DPYD: variants seen among roughly 807,000 people sequenced by gnomAD.
The protein encoded by DPYD is dihydropyrimidine dehydrogenase.
In DPYD, 109 loss-of-function variants were observed where a neutral mutation model predicts 116.2. The observed-to-expected ratio is 0.94, with a 90% confidence interval of 0.80 to 1.10. The LOEUF is 1.10. Among genes scored for constraint, DPYD ranks in the 50% least tolerant of loss-of-function variants. The probability of loss-of-function intolerance (pLI) is 0.00; values close to 1 mark genes in which losing one functional copy is unlikely to be tolerated. For missense variants in DPYD, 1,302 were observed against 1,254.5 expected (o/e 1.04, Z -0.57); for synonymous variants, 440 against 432.0 (o/e 1.02, Z -0.23).
chr1:97,600,044 CA>C (rs1016594666), intron 8 of DPYD, among the ~76,000 whole-genome samples: 1 of 151,368 alleles, frequency 6.6e-6, no homozygotes, highest in East Asian at 1.9e-4. Flanking sequence ...GACTCTGTCT[CA>C]AAAAAACAAA....
intron 14 of DPYD, among the ~76,000 whole-genome samples, chr1:97,432,173 G>C (rs967315432): frequency 2.0e-5 from 3 of 152,020 alleles, no homozygotes; most frequent in Non-Finnish European, 4.4e-5. Flanking sequence ...AAAACATGAG[G>C]GTGCAGATAT....
At position 97,549,606 on chromosome 1, in the gene DPYD, A is replaced by G; in HGVS notation, c.1478T>C (p.Val493Ala). 6.2e-7 allele frequency: 1 copy of G among 1,613,890 alleles called. No homozygotes were observed. The highest frequency in any genetic ancestry group is 2.2e-5 in the East Asian group (1 of 44,858). Residue 493 changes from valine to alanine, a missense_variant, in exon 12 of 23, where the codon GTG (valine) becomes GCG (alanine). Coordinates refer to ENST00000370192, the MANE Select transcript of DPYD (RefSeq NM_000110.4). Reference protein sequence around the residue: ...VGLANTTVESVNDGKQASWYI... With the variant: ...VGLANTTVESANDGKQASWYI... The stretch of plus-strand genomic sequence containing the variant: ...CCAAGAAGCTTGCTTTCCATCATTC[A>G]CCGATTCCACTGTAGTGTTAGCCAA...
intron 12 of DPYD, among the ~76,000 whole-genome samples, chr1:97,547,918 A>G (rs1268637196): frequency 1.3e-5 from 2 of 152,162 alleles, no homozygotes; most frequent in African/African-American, 4.8e-5. Flanking sequence ...TAGGCAGGTG[A>G]ATCAAACTTT....
intron 12 of DPYD, among the ~76,000 whole-genome samples, chr1:97,539,907 CA>C (rs1650296910): frequency 6.6e-6 from 1 of 152,052 alleles, no homozygotes; most frequent in African/African-American, 2.4e-5. Context: ...CCACTTTTTG[CA>C]ACCAAATCTG....
chr1:97,321,014 G>A (rs1283264976), intron 16 of DPYD, among the ~76,000 whole-genome samples: 1 of 99,212 alleles, frequency 1.0e-5, no homozygotes, highest in South Asian at 4.3e-4. Flanking sequence ...ATGGTGCTGG[G>A]AAAACTGACT....
intron 1 of DPYD, among the ~76,000 whole-genome samples, chr1:97,887,113 C>T (rs1174531470): frequency 6.6e-6 from 1 of 151,974 alleles, no homozygotes; most frequent in Non-Finnish European, 1.5e-5. Flanking sequence ...AATGACTGCA[C>T]ATATCCAAGG....
intron 19 of DPYD, among the ~76,000 whole-genome samples, chr1:97,219,513 G>C (rs1660646058): frequency 6.6e-6 from 1 of 152,112 alleles, no homozygotes; most frequent in African/African-American, 2.4e-5. Context: ...GTTTCCTCTA[G>C]AAGTGATGAA....
rs538823864 is a variant in DPYD at position 97,481,444 on chromosome 1, T to C, written c.1741-31221A>G. Among the ~76,000 whole-genome samples, 16 of 152,270 alleles carry C rather than the reference T, an allele frequency of 1.1e-4. 1 individual carries two copies. Among genetic ancestry groups the C allele is most frequent in the African/African-American group, 3.1e-4 (13 of 41,564 alleles). The stretch of plus-strand genomic sequence containing the variant: ...ACTTTTAAATGAGTAATTCCACTTA[T>C]AGGAGTCTATTCTAGAGAAATTATA... On this transcript the variant is annotated intron_variant, in intron 13 of 22. Coordinates refer to ENST00000370192, the MANE Select transcript of DPYD (RefSeq NM_000110.4).
intron 3 of DPYD, among the ~76,000 whole-genome samples, chr1:97,798,251 T>C (rs757081634): frequency 2.6e-5 from 4 of 152,078 alleles, no homozygotes; most frequent in Non-Finnish European, 4.4e-5. Context: ...AATTCATATG[T>C]CTGGATAGTC....
At chr1:97,134,014 A>AATATATAT (rs1165027630) in intron 20 of DPYD, among the ~76,000 whole-genome samples, 6 of 18,792 alleles carry the variant, frequency 3.2e-4, no homozygotes, top group Non-Finnish European at 5.7e-4. Context: ...AAAAAAAAAA[A>AATATATAT]ATATATATAT....
chr1:97,387,594 A>C (rs1336768943), intron 14 of DPYD, among the ~76,000 whole-genome samples: 1 of 152,136 alleles, frequency 6.6e-6, no homozygotes, highest in Non-Finnish European at 1.5e-5. Context: ...GAGAATCACC[A>C]GAATACATAA....
At chr1:97,499,190 A>G (rs1221379064) in intron 13 of DPYD, among the ~76,000 whole-genome samples, 2 of 151,756 alleles carry the variant, frequency 1.3e-5, no homozygotes, top group Non-Finnish European at 3.0e-5. Flanking sequence ...ATATCTTTAA[A>G]TAAAACAAAT....
At chr1:97,762,480 T>C (rs1196615421) in intron 3 of DPYD, among the ~76,000 whole-genome samples, 1 of 152,100 alleles carries the variant, frequency 6.6e-6, no homozygotes, top group East Asian at 1.9e-4. Flanking sequence ...CATGAACAAA[T>C]AGCTGATAGA....
At chr1:97,388,830 A>G (rs1341786863) in intron 14 of DPYD, among the ~76,000 whole-genome samples, 1 of 152,098 alleles carries the variant, frequency 6.6e-6, no homozygotes, top group Admixed American at 6.6e-5. Flanking sequence ...TTTTTACACT[A>G]GTGAAAATGA....
chr1:97,910,149 G>A (rs760212920), intron 1 of DPYD, among the ~76,000 whole-genome samples: 2 of 152,004 alleles, frequency 1.3e-5, no homozygotes, highest in African/African-American at 2.4e-5. Context: ...TTTTACAAAA[G>A]CTCATGATAT....
chr1:97,486,250 T>C (rs896769706), intron 13 of DPYD, among the ~76,000 whole-genome samples: 2 of 152,194 alleles, frequency 1.3e-5, no homozygotes, highest in African/African-American at 4.8e-5. Context: ...TATGTAAGGA[T>C]AGAATCTATT....
At chr1:97,109,255 A>G (rs1275430460) in intron 20 of DPYD, among the ~76,000 whole-genome samples, 1 of 152,170 alleles carries the variant, frequency 6.6e-6, no homozygotes, top group Non-Finnish European at 1.5e-5. Context: ...AATATAATAA[A>G]TAATGTAAAG....
chr1:97,916,633 C>G (rs1342740099), intron 1 of DPYD, among the ~76,000 whole-genome samples: 1 of 152,080 alleles, frequency 6.6e-6, no homozygotes, highest in African/African-American at 2.4e-5. Context: ...TAAGCAGATC[C>G]AATCTAAAAA....
intron 8 of DPYD, among the ~76,000 whole-genome samples, chr1:97,653,604 A>G (rs1469476613): frequency 6.6e-6 from 1 of 152,062 alleles, no homozygotes. Context: ...CGCCCAGCCA[A>G]AATGTCAATT....
Sources: gnomAD v4.1 joint callset for allele counts (sites outside exome capture counted in the v4.1 genomes callset) on GRCh38, gnomAD v4.1.1 for gene constraint, MANE v1.5 for transcripts, NCBI Gene and HGNC (gene_info 2026-07-23, HGNC 2026-07-21) for gene names.